DCAF4: variants seen among roughly 807,000 people sequenced by gnomAD.
DCAF4 encodes the protein DDB1- and CUL4-associated factor 4.
In DCAF4, 37 loss-of-function variants were observed where a neutral mutation model predicts 60.9. The ratio of observed to expected loss-of-function variants is 0.61; its 90% CI spans 0.47 to 0.80. The LOEUF (loss-of-function observed/expected upper bound fraction) is 0.80. DCAF4 is among the 30% of genes least tolerant of loss of function. DCAF4 has a pLI of 0.00. For synonymous variants in DCAF4, 243 were observed against 254.8 expected (o/e 0.95, Z 0.44); for missense variants, 577 against 650.0 (o/e 0.89, Z 1.22).
chr14:72,949,397 A>C (rs1311639085), intron 8 of DCAF4, among the ~76,000 whole-genome samples: 11 of 152,196 alleles, frequency 7.2e-5, no homozygotes, highest in Admixed American at 6.5e-4. Flanking sequence ...TCAAAGCTGC[A>C]GTGAGCTGTG....
intron 1 of DCAF4, among the ~76,000 whole-genome samples, chr14:72,929,390 C>G (rs1277080752): frequency 6.6e-6 from 1 of 152,208 alleles, no homozygotes; most frequent in Non-Finnish European, 1.5e-5. Flanking sequence ...TGGGCACATA[C>G]TGGCTCTCTG....
chr14:72,944,083 G>A (rs1890403766), intron 6 of DCAF4, among the ~76,000 whole-genome samples: 1 of 152,162 alleles, frequency 6.6e-6, no homozygotes. Flanking sequence ...AGTGGGTGGG[G>A]ACGGTGGGGG....
chr14:72,942,104 C>A, intron 5 of DCAF4: 1 of 373,586 alleles, frequency 2.7e-6, no homozygotes, highest in Non-Finnish European at 4.8e-6. Context: ...GTAAGTCATT[C>A]TAGTAGAAGC....
intron 8 of DCAF4, among the ~76,000 whole-genome samples, chr14:72,948,726 C>CTTTTGTGCTGAAGATT (rs1682737832): frequency 2.0e-5 from 3 of 152,310 alleles, no homozygotes; most frequent in East Asian, 3.9e-4. Context: ...AGCCTTCGGG[C>CTTTTGTGCTGAAGATT]TTTTGTGCTG....
intron 13 of DCAF4, chr14:72,956,952 C>T (rs7493937): frequency 0.049 from 10,062 of 203,414 alleles, 315 homozygotes; most frequent in Non-Finnish European, 0.073. Context: ...GTGGCTCACG[C>T]CCGTAATCCC....
chr14:72,954,830 A>T (rs1178363487), intron 11 of DCAF4, among the ~76,000 whole-genome samples: 1 of 152,222 alleles, frequency 6.6e-6, no homozygotes, highest in Non-Finnish European at 1.5e-5. Context: ...TTAAAAAATC[A>T]GGCCAGGTAC....
chr14:72,935,973 A>G (rs913916627), intron 1 of DCAF4, among the ~76,000 whole-genome samples: 15 of 152,102 alleles, frequency 9.9e-5, no homozygotes, highest in African/African-American at 2.9e-4. Context: ...TCTCTTTTTG[A>G]GATGGGGTCT....
intron 5 of DCAF4, 74 bp from the exon 6 acceptor site, chr14:72,942,920 A>G: frequency 7.2e-7 from 1 of 1,393,576 alleles, no homozygotes; most frequent in South Asian, 1.3e-5. Context: ...CGGGGCAGGG[A>G]AGGCCAGAGA....
At chr14:72,928,585 T>TTATATATATATATATATATATA (rs57258334) in intron 1 of DCAF4, among the ~76,000 whole-genome samples, 3 of 15,916 alleles carry the variant, frequency 1.9e-4, no homozygotes, top group African/African-American at 2.8e-4. Flanking sequence ...TAAACATCCT[T>TTATATATATATATATATATATA]TATATATATA....
At chr14:72,930,631 ATGTGTGTG>A (rs544728205) in intron 1 of DCAF4, among the ~76,000 whole-genome samples, 87 of 137,604 alleles carry the variant, frequency 6.3e-4, no homozygotes, top group African/African-American at 1.8e-3. Context: ...TTATGTGTGT[ATGTGTGTG>A]TGTATATATA....
intron 5 of DCAF4, 73 bp downstream of exon 5, chr14:72,941,897 A>T: frequency 1.3e-6 from 2 of 1,534,132 alleles, no homozygotes; most frequent in Non-Finnish European, 1.8e-6. Flanking sequence ...ATGGTATAAG[A>T]ATCCAGTCTG....
chr14:72,961,846 C>A, downstream of DCAF4: 1 of 1,073,184 alleles, frequency 9.3e-7, no homozygotes, highest in Non-Finnish European at 1.1e-6. Context: ...CTCCTTGCCC[C>A]CAAGGGCATC....
intron 1 of DCAF4, among the ~76,000 whole-genome samples, chr14:72,936,282 A>G (rs1211340384): frequency 2.0e-5 from 3 of 152,040 alleles, no homozygotes; most frequent in Non-Finnish European, 4.4e-5. Flanking sequence ...AAAGTTTTGG[A>G]GCCGGGCTTG....
intron 1 of DCAF4, among the ~76,000 whole-genome samples, chr14:72,931,264 T>TC (rs1162575134): frequency 1.4e-3 from 11 of 7,800 alleles, no homozygotes; most frequent in African/African-American, 1.9e-3. Context: ...ACTTTTTCTC[T>TC]TTTTTTTTTT....
chr14:72,943,110 G>C lies in DCAF4; in HGVS notation c.534+14G>C. The C allele has an allele frequency of 6.2e-7, 1 of 1,612,250 alleles. No individual in the cohort carries two copies. Among genetic ancestry groups the C allele is most frequent in the Non-Finnish European group, 8.5e-7 (1 of 1,178,324 alleles). On this transcript the variant is annotated intron_variant, in intron 6 of 13. Transcript: ENST00000358377. The stretch of plus-strand genomic sequence containing the variant: ...AACCTCATACTGGTGAGTGGGAGGG[G>C]GACACCTGCCTAGGGTGTGGCTGCC...
At chr14:72,943,852 G>A (rs1212501358) in intron 6 of DCAF4, among the ~76,000 whole-genome samples, 1 of 152,210 alleles carries the variant, frequency 6.6e-6, no homozygotes, top group Non-Finnish European at 1.5e-5. Context: ...TGGTGGGACT[G>A]GAGGCCGATG....
chr14:72,931,777 T>C lies in DCAF4; in HGVS notation c.-9+5234T>C, dbSNP rs950346198. On this transcript the variant is annotated intron_variant, in intron 1 of 13. Coordinates refer to ENST00000358377, the MANE Select transcript of DCAF4 (RefSeq NM_015604.4). Reference sequence around the variant, plus strand: ...GTCCAGTGCTTTTTCTGTGTATCAATTGAGAAAATCATGTGAGGTTTTCCC... The same window carrying C: ...GTCCAGTGCTTTTTCTGTGTATCAACTGAGAAAATCATGTGAGGTTTTCCC... 1.5e-4 allele frequency among the ~76,000 whole-genome samples: 23 copies of C among 152,166 alleles called. 1 individual carries two copies. Among genetic ancestry groups the C allele is most frequent in the South Asian group, 2.1e-4 (1 of 4,822 alleles).
downstream of DCAF4, among the ~76,000 whole-genome samples, chr14:72,960,061 T>C (rs1892745514): frequency 6.6e-6 from 1 of 152,198 alleles, no homozygotes; most frequent in Non-Finnish European, 1.5e-5. Context: ...TCACTGTTGC[T>C]GGCCCAGAAT....
At position 72,929,523 on chromosome 14, in the gene DCAF4, G is replaced by A. The variant is rs950202759; in HGVS notation, c.-9+2980G>A. On this transcript the variant is annotated intron_variant, in intron 1 of 13. Coordinates refer to ENST00000358377, the MANE Select transcript of DCAF4 (RefSeq NM_015604.4). The stretch of plus-strand genomic sequence containing the variant: ...ACCAGCCTGGGCGGCAACAAAGCGA[G>A]ACCCCGTCTCTACAAAAATATTTTT... The A allele has an allele frequency of 4.1e-5, 30 of 738,004 alleles. No homozygotes were observed. In the East Asian group the frequency reaches 4.3e-4, roughly 11 times the overall value. The allele number at this position is 738,004 out of a possible 1,614,324, so 45.7% of individuals were successfully genotyped here. A position where few individuals can be genotyped will look rare whatever the true frequency, so the allele number is the denominator to read the frequency against.
Sources: allele counts gnomAD v4.1 joint callset (sites outside exome capture counted in the v4.1 genomes callset), GRCh38; gene constraint gnomAD v4.1.1; transcripts MANE v1.5; gene names NCBI Gene and HGNC (gene_info 2026-07-23, HGNC 2026-07-21).